Variants in PPARGC1A observed in about 807,000 individuals in gnomAD.
PPARGC1A encodes PPARG coactivator 1 alpha.
PPARGC1A carries 25 observed loss-of-function variants against 88.7 expected under a neutral mutation model. That is an observed-to-expected ratio of 0.28 (90% CI 0.21 to 0.39). The LOEUF is 0.39. Among genes scored for constraint, PPARGC1A ranks in the 10% least tolerant of loss-of-function variants. The pLI is 1.00. For missense variants in PPARGC1A, 880 were observed against 968.7 expected, an observed-to-expected ratio of 0.91 and a Z score of 1.22; for synonymous variants, 363 against 355.6, an observed-to-expected ratio of 1.02 and a Z score of -0.24.
chr4:24,339,596 A>C, the PPARGC1A span, among the ~76,000 whole-genome samples: 2 of 152,116 alleles, frequency 1.3e-5, no homozygotes, highest in East Asian at 3.9e-4. Flanking sequence ...CATACTATGG[A>C]GCACCCTCCA....
chr4:24,208,776 TTA>T, the PPARGC1A span, among the ~76,000 whole-genome samples: 1 of 151,448 alleles, frequency 6.6e-6, no homozygotes, highest in African/African-American at 2.4e-5. Context: ...CAAAAGTGTT[TTA>T]TGTTATTATC....
the PPARGC1A span, among the ~76,000 whole-genome samples, chr4:24,068,334 G>A: frequency 1.3e-5 from 2 of 152,188 alleles, no homozygotes; most frequent in African/African-American, 4.8e-5. Flanking sequence ...AGAGAGAACA[G>A]TATCTGCAGA....
chr4:24,184,987 C>A, the PPARGC1A span, among the ~76,000 whole-genome samples: 1 of 152,142 alleles, frequency 6.6e-6, no homozygotes, highest in Non-Finnish European at 1.5e-5. Context: ...GCTTGAAAGG[C>A]ACTGTTTTCT....
chr4:24,211,173 T>C, the PPARGC1A span, among the ~76,000 whole-genome samples: 1 of 152,172 alleles, frequency 6.6e-6, no homozygotes, highest in Admixed American at 6.5e-5. Flanking sequence ...GTGCTTAATA[T>C]TCATTCCTTA....
chr4:23,899,193 T>C (rs924352035), intron 1 of PPARGC1A: 1 of 152,204 alleles, frequency 6.6e-6, no homozygotes, highest in Non-Finnish European at 1.5e-5. Context: ...TCCATTTGCA[T>C]GCAGGCCACC....
chr4:24,440,964 C>T, the PPARGC1A span, among the ~76,000 whole-genome samples: 1 of 152,182 alleles, frequency 6.6e-6, no homozygotes, highest in Non-Finnish European at 1.5e-5. Context: ...TACCTAGCAA[C>T]GATTGACGGA....
the PPARGC1A span, among the ~76,000 whole-genome samples, chr4:24,435,179 C>T: frequency 6.6e-6 from 1 of 152,192 alleles, no homozygotes; most frequent in East Asian, 1.9e-4. Flanking sequence ...GACTTCAGTT[C>T]CTGCCTTTGA....
the PPARGC1A span, among the ~76,000 whole-genome samples, chr4:24,217,237 G>C: frequency 6.6e-6 from 1 of 152,198 alleles, no homozygotes; most frequent in Admixed American, 6.5e-5. Context: ...TCATGAAGCT[G>C]ATTAAAGAAT....
the PPARGC1A span, among the ~76,000 whole-genome samples, chr4:24,007,541 G>C: frequency 6.8e-6 from 1 of 147,452 alleles, no homozygotes; most frequent in South Asian, 2.2e-4. Flanking sequence ...AGAATGAGTA[G>C]AGATGAGAGG....
chr4:24,307,095 T>C, the PPARGC1A span, among the ~76,000 whole-genome samples: 4 of 152,238 alleles, frequency 2.6e-5, no homozygotes, highest in Admixed American at 6.5e-5. Flanking sequence ...TATTTAAAAA[T>C]TCAAGTCATC....
the PPARGC1A span, among the ~76,000 whole-genome samples, chr4:24,151,650 A>C: frequency 6.6e-6 from 1 of 152,190 alleles, no homozygotes; most frequent in African/African-American, 2.4e-5. Context: ...TCACCACAAC[A>C]ATCTGTTCAC....
At chr4:24,391,522 A>AAAAG in the PPARGC1A span, among the ~76,000 whole-genome samples, 2 of 152,184 alleles carry the variant, frequency 1.3e-5, no homozygotes, top group South Asian at 2.1e-4. Context: ...CTGATTTTAA[A>AAAAG]AAAGAAAGAA....
chr4:24,335,614 G>A, the PPARGC1A span, among the ~76,000 whole-genome samples: 19 of 152,122 alleles, frequency 1.2e-4, no homozygotes, highest in Non-Finnish European at 2.1e-4. Flanking sequence ...TATAAAATAC[G>A]TAACTTCTTT....
the PPARGC1A span, among the ~76,000 whole-genome samples, chr4:24,179,052 G>A: frequency 2.0e-5 from 3 of 152,188 alleles, no homozygotes; most frequent in East Asian, 3.9e-4. Context: ...ACTAAGCAGT[G>A]TGCATTCGTT....
At chr4:23,896,299 G>T (rs957948465) in intron 1 of PPARGC1A, among the ~76,000 whole-genome samples, 9 of 152,054 alleles carry the variant, frequency 5.9e-5, no homozygotes, top group African/African-American at 2.2e-4. Flanking sequence ...TTCAGAAGAA[G>T]AAGAATTATT....
chr4:23,885,035 TA>T lies in PPARGC1A; in HGVS notation c.55-105del, dbSNP rs1577655299. ...AGGAATTAAGCCTAGTTAATTCAACTACACTACCAAAGCTAGTTTCTGGCAC... is the reference window on the plus strand; with the variant it reads ...AGGAATTAAGCCTAGTTAATTCAACTCACTACCAAAGCTAGTTTCTGGCAC... On this transcript the variant is annotated intron_variant, in intron 1 of 12. Transcript: ENST00000264867. The T allele has an allele frequency of 2.8e-5, 28 of 999,752 alleles. 1 individual carries two copies. The East Asian group carries it at 7.8e-4, about 28-fold the overall frequency. 61.9% of individuals were successfully genotyped at this position (999,752 alleles called of 1,614,324 possible).
At chr4:24,093,661 T>TA in the PPARGC1A span, among the ~76,000 whole-genome samples, 3 of 152,114 alleles carry the variant, frequency 2.0e-5, no homozygotes, top group Admixed American at 2.0e-4. Context: ...CAGCATCCCA[T>TA]AAGGACAACT....
At chr4:23,917,615 G>A in the PPARGC1A span, among the ~76,000 whole-genome samples, 1 of 152,070 alleles carries the variant, frequency 6.6e-6, no homozygotes, top group African/African-American at 2.4e-5. Flanking sequence ...GAGCCACCAC[G>A]CCCGGCTTTT....
At chr4:24,053,386 G>A in the PPARGC1A span, among the ~76,000 whole-genome samples, 1 of 152,138 alleles carries the variant, frequency 6.6e-6, no homozygotes, top group South Asian at 2.1e-4. Context: ...CAAAATACAA[G>A]AGAGAGTAGG....
Sources: gnomAD v4.1 joint callset for allele counts (sites outside exome capture counted in the v4.1 genomes callset) on GRCh38, gnomAD v4.1.1 for gene constraint, MANE v1.5 for transcripts, NCBI Gene and HGNC (gene_info 2026-07-23, HGNC 2026-07-21) for gene names.